The following TMEM178B variants were observed in gnomAD, a reference collection of about 807,000 sequenced individuals.
TMEM178B encodes the protein transmembrane protein 178B.
Under a neutral mutation model 31.0 loss-of-function variants are expected in TMEM178B, and 5 were observed. The ratio of observed to expected loss-of-function variants is 0.16; its 90% CI spans 0.08 to 0.34. The LOEUF is 0.34. Ranked by LOEUF, TMEM178B falls within the 10% of genes least tolerant of loss-of-function variation. The probability of loss-of-function intolerance (pLI) is 1.00; values close to 1 mark genes in which losing one functional copy is unlikely to be tolerated. For synonymous variants in TMEM178B, 164 were observed against 164.0 expected (o/e 1.00, Z 0.00); for missense variants, 275 against 400.3 (o/e 0.69, Z 2.67).
At chr7:141,293,963 C>G (rs1028890517) in intron 2 of TMEM178B, among the ~76,000 whole-genome samples, 3 of 152,140 alleles carry the variant, frequency 2.0e-5, no homozygotes, top group Admixed American at 6.5e-5. Flanking sequence ...TGAAAGGTAG[C>G]AAAGGTTCTG....
chr7:141,164,881 T>C (rs1224031791), intron 1 of TMEM178B, among the ~76,000 whole-genome samples: 1 of 152,128 alleles, frequency 6.6e-6, no homozygotes, highest in South Asian at 2.1e-4. Flanking sequence ...GGTCACCTCA[T>C]GGATCAATAG....
At chr7:141,164,599 T>C (rs1387073975) in intron 1 of TMEM178B, among the ~76,000 whole-genome samples, 1 of 152,242 alleles carries the variant, frequency 6.6e-6, no homozygotes, top group East Asian at 1.9e-4. Context: ...GCTAAGATTC[T>C]AATTTTTATA....
Position 141,318,127 on chromosome 7 carries a change from A to G in TMEM178B, c.496+105423A>G, listed in dbSNP as rs377670015. Among the ~76,000 whole-genome samples, 5 of 152,188 alleles carry G rather than the reference A, an allele frequency of 3.3e-5. No homozygotes were observed. The East Asian group carries it at 7.7e-4, about 23-fold the overall frequency. On this transcript the variant is annotated intron_variant, in intron 2 of 3. Coordinates refer to ENST00000565468, the MANE Select transcript of TMEM178B (RefSeq NM_001195278.2). The surrounding 1 kb of genome is among the most constrained non-coding windows in gnomAD (Gnocchi z 4.1). Reference sequence around the variant, plus strand: ...CTGCAGTATAATCACAGCCTGGGGTATTATTGGATGACCATCCATCCATCC... The same window carrying G: ...CTGCAGTATAATCACAGCCTGGGGTGTTATTGGATGACCATCCATCCATCC...
intron 1 of TMEM178B, among the ~76,000 whole-genome samples, chr7:141,118,758 TG>T (rs1192744935): frequency 6.6e-6 from 1 of 152,202 alleles, no homozygotes; most frequent in Non-Finnish European, 1.5e-5. Flanking sequence ...AAAGACTTTG[TG>T]GTCAGAAGAA....
chr7:141,312,415 A>G (rs536805458), intron 2 of TMEM178B, among the ~76,000 whole-genome samples: 2 of 152,374 alleles, frequency 1.3e-5, no homozygotes, highest in East Asian at 1.9e-4. Context: ...TTGAGTAATC[A>G]TGAAGCTATT....
intron 2 of TMEM178B, among the ~76,000 whole-genome samples, chr7:141,384,931 G>A (rs1313282969): frequency 6.6e-6 from 1 of 151,976 alleles, no homozygotes; most frequent in African/African-American, 2.4e-5. Context: ...AATCCATAAT[G>A]CATAATTGAT....
chr7:141,338,125 C>T (rs1171246213), intron 2 of TMEM178B, among the ~76,000 whole-genome samples: 1 of 152,170 alleles, frequency 6.6e-6, no homozygotes, highest in Non-Finnish European at 1.5e-5. Flanking sequence ...GCGTGAGCCA[C>T]CGTGCCCGGC....
At chr7:141,138,104 C>G (rs1162647974) in intron 1 of TMEM178B, among the ~76,000 whole-genome samples, 1 of 151,602 alleles carries the variant, frequency 6.6e-6, no homozygotes, top group African/African-American at 2.4e-5. Context: ...CTCAGTCGCC[C>G]AGGCTGGAGT....
the TMEM178B span, among the ~76,000 whole-genome samples, chr7:141,502,991 G>A: frequency 6.6e-6 from 1 of 152,104 alleles, no homozygotes; most frequent in Non-Finnish European, 1.5e-5. Context: ...AAGTGGGTCC[G>A]GGGTATTGTG....
chr7:141,306,569 A>G (rs1470030454), intron 2 of TMEM178B, among the ~76,000 whole-genome samples: 1 of 151,876 alleles, frequency 6.6e-6, no homozygotes, highest in African/African-American at 2.4e-5. Context: ...AGCTTCAAGT[A>G]GGAAGAGGTT....
At chr7:141,447,877 A>G (rs1351994994) in intron 3 of TMEM178B, among the ~76,000 whole-genome samples, 1 of 152,140 alleles carries the variant, frequency 6.6e-6, no homozygotes, top group Non-Finnish European at 1.5e-5. Context: ...GGACAGCAAC[A>G]GTAGAGGATC....
intron 2 of TMEM178B, among the ~76,000 whole-genome samples, chr7:141,435,110 G>A (rs1455311580): frequency 6.6e-6 from 1 of 151,974 alleles, no homozygotes; most frequent in Non-Finnish European, 1.5e-5. Flanking sequence ...TTCAACAAAG[G>A]CAGCAACATA....
At chr7:141,460,314 C>T (rs553990287) in intron 3 of TMEM178B, among the ~76,000 whole-genome samples, 6 of 152,338 alleles carry the variant, frequency 3.9e-5, no homozygotes, top group Admixed American at 2.0e-4. Flanking sequence ...CGTCCCTCTG[C>T]GTGTGCACGC....
At chr7:141,418,516 C>T (rs1339231705) in intron 2 of TMEM178B, among the ~76,000 whole-genome samples, 1 of 152,176 alleles carries the variant, frequency 6.6e-6, no homozygotes, top group East Asian at 1.9e-4. Flanking sequence ...CTTATTTGAT[C>T]CCAGTAACAT....
In TMEM178B at chr7:141,470,956, AG is replaced by A. The variant is rs1802230914; in HGVS notation, c.*171del. 2 of 237,352 alleles carry A rather than the reference AG, an allele frequency of 8.4e-6. No individual in the cohort carries two copies. The highest frequency in any genetic ancestry group is 1.4e-5 in the Non-Finnish European group (2 of 140,658). The allele number at this position is 237,352 out of a possible 1,614,324, so 14.7% of individuals were successfully genotyped here. Reference sequence around the variant, plus strand: ...GTTGCCTCATCTCTGAGATGGGGAAAGTTTTTCCATCCTGTGGCTCTTCCAT... The same window carrying A: ...GTTGCCTCATCTCTGAGATGGGGAAATTTTTCCATCCTGTGGCTCTTCCAT... On this transcript the variant is annotated 3_prime_UTR_variant, in exon 4 of 4. Coordinates refer to ENST00000565468, the MANE Select transcript of TMEM178B (RefSeq NM_001195278.2).
rs561636849 is a variant in TMEM178B at position 141,074,505 on chromosome 7, C to A, written c.195C>A (p.Leu65=). The change falls in exon 1 of 4, where the codon CTC becomes CTA. Residue 65 remains leucine (L), a synonymous_variant. Transcript: ENST00000565468. This position sits in a 1 kb window ranked among gnomAD's most constrained non-coding sequence, Gnocchi z 5.1. ...FIYNNNNNLP[L]RASRSRLDRW... is the part of the protein sequence containing the mutation. Reference sequence around the variant, plus strand: ...ACAACAATAACAACAACTTGCCGCTCCGGGCGAGCCGCTCGCGCCTGGACC... The same window carrying A: ...ACAACAATAACAACAACTTGCCGCTACGGGCGAGCCGCTCGCGCCTGGACC... 4.0e-5 allele frequency: 62 copies of A among 1,535,934 alleles called. No individual in the cohort carries two copies. The highest frequency in any genetic ancestry group is 5.1e-5 in the Non-Finnish European group (59 of 1,146,838).
At chr7:141,092,791 G>A (rs1296004660) in intron 1 of TMEM178B, among the ~76,000 whole-genome samples, 1 of 152,314 alleles carries the variant, frequency 6.6e-6, no homozygotes, top group South Asian at 2.1e-4. Flanking sequence ...GAGGTGGTGA[G>A]TTGAAATTGC....
chr7:141,115,866 A>T (rs1007496317), intron 1 of TMEM178B, among the ~76,000 whole-genome samples: 2 of 152,244 alleles, frequency 1.3e-5, no homozygotes, highest in Non-Finnish European at 2.9e-5. Flanking sequence ...TTAAATATGT[A>T]TAAAATAAAG....
intron 2 of TMEM178B, among the ~76,000 whole-genome samples, chr7:141,417,643 AC>A (rs1360636292): frequency 6.6e-6 from 1 of 152,070 alleles, no homozygotes; most frequent in African/African-American, 2.4e-5. Context: ...AAACTCATCC[AC>A]TTTTCTCCCT....
Sources: gnomAD v4.1 joint callset for allele counts (sites outside exome capture counted in the v4.1 genomes callset) on GRCh38, gnomAD v4.1.1 for gene constraint, Gnocchi (gnomAD v3.1) non-coding constraint, MANE v1.5 for transcripts, NCBI Gene and HGNC (gene_info 2026-07-23, HGNC 2026-07-21) for gene names.